PLXDC2: variants seen among roughly 807,000 people sequenced by gnomAD.
The protein encoded by PLXDC2 is plexin domain-containing protein 2.
A neutral mutation model predicts 68.9 loss-of-function variants in PLXDC2; 40 were observed. The ratio of observed to expected loss-of-function variants is 0.58; its 90% CI spans 0.45 to 0.76. The LOEUF (loss-of-function observed/expected upper bound fraction) is 0.76. Among genes scored for constraint, PLXDC2 ranks in the 30% least tolerant of loss-of-function variants. The pLI is 0.00. For missense variants in PLXDC2, 644 were observed against 661.9 expected, an observed-to-expected ratio of 0.97 and a Z score of 0.30; for synonymous variants, 243 against 234.2, an observed-to-expected ratio of 1.04 and a Z score of -0.34.
chr10:20,079,899 A>G (rs551931072), intron 4 of PLXDC2, among the ~76,000 whole-genome samples: 132 of 152,330 alleles, frequency 8.7e-4, no homozygotes, highest in African/African-American at 3.2e-3. Context: ...ATGTATACCT[A>G]TGTAACAAAC....
intron 4 of PLXDC2, among the ~76,000 whole-genome samples, chr10:20,092,267 A>G (rs1833289945): frequency 2.0e-5 from 3 of 152,190 alleles, no homozygotes; most frequent in South Asian, 4.1e-4. Context: ...CTTAAAATAT[A>G]TTTACTTTAA....
intron 4 of PLXDC2, among the ~76,000 whole-genome samples, chr10:20,092,064 C>T (rs765064727): frequency 4.1e-5 from 6 of 147,246 alleles, no homozygotes; most frequent in Admixed American, 3.4e-4. Flanking sequence ...CTTCATTTTA[C>T]TACCTATTAT....
intron 6 of PLXDC2, among the ~76,000 whole-genome samples, chr10:20,148,875 C>T (rs951363523): frequency 1.3e-5 from 2 of 152,186 alleles, no homozygotes; most frequent in African/African-American, 4.8e-5. Flanking sequence ...TGAAATCCAT[C>T]TATTCCATAA....
At chr10:20,243,323 G>T (rs963828165) in intron 12 of PLXDC2, among the ~76,000 whole-genome samples, 7 of 152,146 alleles carry the variant, frequency 4.6e-5, no homozygotes, top group Admixed American at 4.6e-4. Flanking sequence ...TCTTAGGGTT[G>T]TTGGTTTGGT....
chr10:20,160,225 C>T (rs1834272860), intron 6 of PLXDC2, among the ~76,000 whole-genome samples: 1 of 152,074 alleles, frequency 6.6e-6, no homozygotes, highest in African/African-American at 2.4e-5. Flanking sequence ...TCTTAGGAAT[C>T]TATTTTCTAC....
intron 12 of PLXDC2, among the ~76,000 whole-genome samples, chr10:20,232,828 T>C (rs1008795946): frequency 6.6e-6 from 1 of 152,166 alleles, no homozygotes; most frequent in Non-Finnish European, 1.5e-5. Context: ...TATACAGTTA[T>C]AAAAATTTGG....
intron 6 of PLXDC2, among the ~76,000 whole-genome samples, chr10:20,153,632 A>G (rs999407015): frequency 2.0e-5 from 3 of 152,180 alleles, no homozygotes; most frequent in African/African-American, 7.2e-5. Context: ...TGAGCTCTTC[A>G]TATATGTCAA....
chr10:20,120,557 G>C (rs1262287453), intron 4 of PLXDC2, among the ~76,000 whole-genome samples: 1 of 148,758 alleles, frequency 6.7e-6, no homozygotes, highest in Non-Finnish European at 1.5e-5. Flanking sequence ...CAGAAGGGAA[G>C]AAATGACTGC....
At chr10:20,204,045 G>A (rs980619281) in intron 9 of PLXDC2, among the ~76,000 whole-genome samples, 2 of 151,996 alleles carry the variant, frequency 1.3e-5, no homozygotes, top group Non-Finnish European at 2.9e-5. Context: ...ATCATTCCCA[G>A]AGCAGTATAT....
intron 2 of PLXDC2, among the ~76,000 whole-genome samples, chr10:20,040,369 C>T (rs1222590935): frequency 6.6e-6 from 1 of 152,070 alleles, no homozygotes; most frequent in Non-Finnish European, 1.5e-5. Context: ...TGTTGGAGGG[C>T]CCAAAACTCC....
intron 1 of PLXDC2, among the ~76,000 whole-genome samples, chr10:19,972,467 G>T (rs980606191): frequency 6.6e-6 from 1 of 152,200 alleles, no homozygotes; most frequent in Admixed American, 6.5e-5. Flanking sequence ...GGAGGAGAAT[G>T]AAGATTGAAA....
At chr10:19,833,444 T>C (rs1186159556) in intron 1 of PLXDC2, among the ~76,000 whole-genome samples, 1 of 152,220 alleles carries the variant, frequency 6.6e-6, no homozygotes, top group African/African-American at 2.4e-5. Context: ...CACTCATTGA[T>C]AGCCTAGGGC....
intron 4 of PLXDC2, among the ~76,000 whole-genome samples, chr10:20,077,153 A>G (rs984472748): frequency 6.6e-6 from 1 of 152,190 alleles, no homozygotes; most frequent in African/African-American, 2.4e-5. Flanking sequence ...GCAGCCAGGT[A>G]GCCTTTTAGC....
chr10:20,217,589 TA>T lies in PLXDC2; in HGVS notation c.1273+14del. On this transcript the variant is annotated intron_variant, in intron 11 of 13. Transcript: ENST00000377252. ...CTCCCTACAGAAGGTACCCAAGAGA[TA>T]GTTTGCTTTTTTTTTTTTTTTTTTT... 1 of 1,359,030 alleles carries T rather than the reference TA, an allele frequency of 7.4e-7. No homozygotes were observed. Among genetic ancestry groups the T allele is most frequent in the South Asian group, 1.5e-5 (1 of 68,286 alleles). 84.2% of individuals were successfully genotyped at this position (1,359,030 alleles called of 1,614,324 possible). A position where few individuals can be genotyped will look rare whatever the true frequency, so the allele number is the denominator to read the frequency against.
chr10:19,889,846 C>G (rs945001403), intron 1 of PLXDC2, among the ~76,000 whole-genome samples: 1 of 151,954 alleles, frequency 6.6e-6, no homozygotes, highest in African/African-American at 2.4e-5. Flanking sequence ...CGTGTAGGCA[C>G]TGGGTTAAGT....
At chr10:20,244,477 T>C (rs921661336) in intron 12 of PLXDC2, among the ~76,000 whole-genome samples, 1 of 152,230 alleles carries the variant, frequency 6.6e-6, no homozygotes, top group African/African-American at 2.4e-5. Flanking sequence ...GTGGCGCTCC[T>C]CTTAGTGATC....
chr10:20,032,544 G>T (rs1589596571), intron 2 of PLXDC2, among the ~76,000 whole-genome samples: 1 of 152,148 alleles, frequency 6.6e-6, no homozygotes, highest in Non-Finnish European at 1.5e-5. Context: ...GGAGACCAGT[G>T]AGAGAGCTCT....
rs368938048 is a variant in PLXDC2 at position 20,126,509 on chromosome 10, AAC to A, written c.542-16779_542-16778del. Among the ~76,000 whole-genome samples the A allele has an allele frequency of 1.5e-3, 20 of 13,124 alleles. 2 individuals carry two copies. The highest frequency in any genetic ancestry group is 5.6e-3 in the African/African-American group (18 of 3,236). 8.6% of individuals were successfully genotyped at this position (13,124 alleles called of 152,430 possible). On this transcript the variant is annotated intron_variant, in intron 4 of 13. Transcript: ENST00000377252. ...ACACACACGTTATATATGTATATATAACACACACGTTATATATGTATATATAA... is the reference window on the plus strand; with the variant it reads ...ACACACACGTTATATATGTATATATAACACACGTTATATATGTATATATAA...
chr10:19,853,996 G>A (rs1363848793), intron 1 of PLXDC2, among the ~76,000 whole-genome samples: 2 of 152,154 alleles, frequency 1.3e-5, no homozygotes, highest in African/African-American at 2.4e-5. Flanking sequence ...GGCACCGGAG[G>A]TGTTGTGACT....
Sources: gnomAD v4.1 joint callset for allele counts (sites outside exome capture counted in the v4.1 genomes callset) on GRCh38, gnomAD v4.1.1 for gene constraint, MANE v1.5 for transcripts, NCBI Gene and HGNC (gene_info 2026-07-23, HGNC 2026-07-21) for gene names.